Variants in MRAP2 observed in about 807,000 individuals in gnomAD.
The protein encoded by MRAP2 is melanocortin-2 receptor accessory protein 2.
MRAP2 carries 20 observed loss-of-function variants against 17.4 expected under a neutral mutation model. The ratio of observed to expected loss-of-function variants is 1.15; its 90% CI spans 0.81 to 1.67. The LOEUF is 1.67. MRAP2 is among the 40% of genes most tolerant of loss of function. MRAP2 has a pLI of 0.00. For missense variants in MRAP2, 238 were observed against 240.0 expected (o/e 0.99, Z 0.05); for synonymous variants, 96 against 88.4 (o/e 1.09, Z -0.48).
intron 1 of MRAP2, among the ~76,000 whole-genome samples, chr6:84,040,264 C>T (rs1251119935): frequency 6.6e-6 from 1 of 152,202 alleles, no homozygotes; most frequent in Non-Finnish European, 1.5e-5. Context: ...TGTAAGTTTC[C>T]TGAGGCCTCC....
intron 3 of MRAP2, among the ~76,000 whole-genome samples, chr6:84,076,145 C>T (rs933078494): frequency 1.3e-5 from 2 of 151,922 alleles, no homozygotes; most frequent in Non-Finnish European, 2.9e-5. Context: ...CACTGCTAGC[C>T]TCAACTGCCC....
At chr6:84,066,451 A>C (rs2099494708) in intron 3 of MRAP2, among the ~76,000 whole-genome samples, 1 of 152,230 alleles carries the variant, frequency 6.6e-6, no homozygotes, top group Non-Finnish European at 1.5e-5. Context: ...GGTCTTAACA[A>C]ACTTGACATT....
At chr6:84,052,397 A>T (rs1475830969) in intron 1 of MRAP2, among the ~76,000 whole-genome samples, 1 of 152,166 alleles carries the variant, frequency 6.6e-6, no homozygotes, top group Admixed American at 6.5e-5. Flanking sequence ...CTACTTGGAC[A>T]TGCTGGCAGT....
the MRAP2 span, among the ~76,000 whole-genome samples, chr6:84,144,267 G>A: frequency 6.6e-6 from 1 of 151,890 alleles, no homozygotes; most frequent in African/African-American, 2.4e-5. Context: ...AATCTTCTTT[G>A]AGTTATTTTT....
the MRAP2 span, among the ~76,000 whole-genome samples, chr6:84,122,375 A>AAAAC: frequency 6.7e-6 from 1 of 148,220 alleles, no homozygotes; most frequent in African/African-American, 2.6e-5. Context: ...AAAAAAAAAA[A>AAAAC]AGCATCATGA....
At chr6:84,051,391 C>T (rs1425956472) in intron 1 of MRAP2, among the ~76,000 whole-genome samples, 1 of 152,206 alleles carries the variant, frequency 6.6e-6, no homozygotes, top group Non-Finnish European at 1.5e-5. Flanking sequence ...ACCCTGTCTA[C>T]ACCAAAAATA....
the MRAP2 span, among the ~76,000 whole-genome samples, chr6:84,118,041 T>A: frequency 6.6e-6 from 1 of 152,186 alleles, no homozygotes; most frequent in Non-Finnish European, 1.5e-5. Context: ...CATCCCCCAA[T>A]CGATTTGGGC....
At chr6:84,119,620 T>A in the MRAP2 span, among the ~76,000 whole-genome samples, 3 of 152,222 alleles carry the variant, frequency 2.0e-5, no homozygotes, top group Non-Finnish European at 4.4e-5. Context: ...ACATTAGGGA[T>A]AACCAACTGA....
chr6:84,062,434 G>A lies in MRAP2; in HGVS notation c.128-459G>A, dbSNP rs7756256. The A allele has an allele frequency of 0.023, 14,115 of 622,422 alleles. 1,630 individuals carry two copies. In the African/African-American group the frequency reaches 0.25, roughly 11 times the overall value. The allele number at this position is 622,422 out of a possible 1,614,324, so 38.6% of individuals were successfully genotyped here. A position where few individuals can be genotyped will look rare whatever the true frequency, so the allele number is the denominator to read the frequency against. ...CTCTGAATCTATTCTGATTCTGGGA[G>A]CTTCCCGGTTCAAGAATTTTGTTTT... On this transcript the variant is annotated intron_variant, in intron 2 of 3. Transcript: ENST00000257776.
intron 3 of MRAP2, 60 bp downstream of exon 3, chr6:84,063,052 A>G: frequency 6.2e-7 from 1 of 1,610,048 alleles, no homozygotes; most frequent in Non-Finnish European, 8.5e-7. Context: ...GGAAATAGAA[A>G]CTACTACCCA....
chr6:84,098,375 G>T, the MRAP2 span, among the ~76,000 whole-genome samples: 1 of 152,014 alleles, frequency 6.6e-6, no homozygotes, highest in Non-Finnish European at 1.5e-5. Context: ...TGGATATTTG[G>T]GTTACTTATA....
chr6:84,084,740 G>A, intron 3 of MRAP2, among the ~76,000 whole-genome samples: 1 of 152,034 alleles, frequency 6.6e-6, no homozygotes, highest in African/African-American at 2.4e-5. Context: ...ACAGGCTTGG[G>A]GAGTTTGAAT....
At chr6:84,133,197 T>C in the MRAP2 span, among the ~76,000 whole-genome samples, 1 of 152,166 alleles carries the variant, frequency 6.6e-6, no homozygotes, top group African/African-American at 2.4e-5. Flanking sequence ...ACAGCAAATG[T>C]TGCTGCCTGA....
chr6:84,131,067 A>G, the MRAP2 span, among the ~76,000 whole-genome samples: 2 of 152,074 alleles, frequency 1.3e-5, no homozygotes, highest in African/African-American at 4.8e-5. Context: ...CTTTGTTCTC[A>G]CTGGTTTCAA....
At chr6:84,108,938 C>A in the MRAP2 span, among the ~76,000 whole-genome samples, 1 of 152,136 alleles carries the variant, frequency 6.6e-6, no homozygotes, top group African/African-American at 2.4e-5. Context: ...GGAATCCTTT[C>A]CCCCTGGCTT....
At chr6:84,074,481 A>G (rs564509160) in intron 3 of MRAP2, among the ~76,000 whole-genome samples, 1 of 152,320 alleles carries the variant, frequency 6.6e-6, no homozygotes, top group East Asian at 1.9e-4. Context: ...CTACCACTGA[A>G]TTTAATATTT....
chr6:84,133,243 C>T, the MRAP2 span, among the ~76,000 whole-genome samples: 534 of 152,212 alleles, frequency 3.5e-3, 2 homozygotes, highest in Non-Finnish European at 5.6e-3. Flanking sequence ...GAGGGGCACC[C>T]GGCTGTATGA....
intron 3 of MRAP2, among the ~76,000 whole-genome samples, chr6:84,082,323 G>A (rs961469961): frequency 2.0e-5 from 3 of 152,054 alleles, no homozygotes; most frequent in Non-Finnish European, 2.9e-5. Context: ...TTTCTCTCTC[G>A]TATTAGTATA....
the MRAP2 span, among the ~76,000 whole-genome samples, chr6:84,130,383 G>C: frequency 2.6e-5 from 4 of 152,150 alleles, no homozygotes; most frequent in East Asian, 5.8e-4. Flanking sequence ...AAATGAGTTA[G>C]GGAGGAGTCC....
Sources: allele counts gnomAD v4.1 joint callset (sites outside exome capture counted in the v4.1 genomes callset), GRCh38; gene constraint gnomAD v4.1.1; transcripts MANE v1.5; gene names NCBI Gene and HGNC (gene_info 2026-07-23, HGNC 2026-07-21).